Variants in PPDPFL observed in about 807,000 individuals in gnomAD.
The protein encoded by PPDPFL is pancreatic progenitor cell differentiation and proliferation factor like, also known as pancreatic progenitor cell differentiation and proliferation factor-like protein.
Under a neutral mutation model 12.6 loss-of-function variants are expected in PPDPFL, and 12 were observed. The ratio of observed to expected loss-of-function variants is 0.95; its 90% CI spans 0.61 to 1.54. PPDPFL has a LOEUF of 1.54. Ranked by LOEUF, PPDPFL falls within the 40% of genes most tolerant of loss-of-function variation. The probability of loss-of-function intolerance (pLI) is 0.00; values close to 1 mark genes in which losing one functional copy is unlikely to be tolerated. For synonymous variants in PPDPFL, 24 were observed against 32.7 expected (o/e 0.73, Z 0.91); for missense variants, 114 against 96.0 (o/e 1.19, Z -0.78).
upstream of PPDPFL, among the ~76,000 whole-genome samples, chr8:49,067,827 C>T (rs1027945139): frequency 6.6e-6 from 1 of 152,152 alleles, no homozygotes; most frequent in East Asian, 1.9e-4. Context: ...AGGACAGCTC[C>T]ATTTTCCCTG....
chr8:49,073,556 G>C lies in PPDPFL; in HGVS notation c.56-503G>C, dbSNP rs375365171. 3.9e-5 allele frequency among the ~76,000 whole-genome samples: 6 copies of C among 152,154 alleles called. No homozygotes were observed. The East Asian group carries it at 1.2e-3, about 29-fold the overall frequency. On this transcript the variant is annotated intron_variant, in intron 2 of 4. Transcript: ENST00000522267. ...TACAAAAGTTTACGCTCATTTACTTGGTGTTATTTATCCACAGGAGTTACT... is the reference window on the plus strand; with the variant it reads ...TACAAAAGTTTACGCTCATTTACTTCGTGTTATTTATCCACAGGAGTTACT...
upstream of PPDPFL, among the ~76,000 whole-genome samples, chr8:49,071,493 T>TA (rs1383596821): frequency 2.0e-5 from 3 of 151,974 alleles, no homozygotes; most frequent in Admixed American, 6.5e-5. Context: ...CCATCTCTAC[T>TA]AAAAATACAA....
At chr8:49,057,509 T>C (rs758657871) in intron 1 of PPDPFL, among the ~76,000 whole-genome samples, 1 of 152,154 alleles carries the variant, frequency 6.6e-6, no homozygotes, top group Non-Finnish European at 1.5e-5. Flanking sequence ...TCTGTATGCA[T>C]TGATAGCATA....
chr8:49,074,982 A>T, intron 4 of PPDPFL, 170 bp from the exon 5 acceptor site: 1 of 1,368,182 alleles, frequency 7.3e-7, no homozygotes, highest in Non-Finnish European at 9.7e-7. Flanking sequence ...ATTTAGAATC[A>T]TTATTTAAAA....
At chr8:49,069,764 A>G (rs182648817), upstream of PPDPFL, among the ~76,000 whole-genome samples, 20 of 152,264 alleles carry the variant, frequency 1.3e-4, no homozygotes, top group South Asian at 6.2e-4. Flanking sequence ...GTGAAACCCC[A>G]TCTCTGCTAA....
Position 49,075,153 on chromosome 8 carries a change from T to G in PPDPFL, c.235T>G (p.Leu79Val). 1 of 1,613,422 alleles carries G rather than the reference T, an allele frequency of 6.2e-7. No homozygotes were observed. The highest frequency in any genetic ancestry group is 8.5e-7 in the Non-Finnish European group (1 of 1,179,490). Residue 79 changes from leucine to valine, a missense_variant and splice_region_variant, in exon 5 of 5, where the codon TTA becomes GTA. Leu to Val is a conservative substitution (Grantham distance 32). Transcript: ENST00000522267. Reference sequence around the variant, plus strand: ...CTGACTACTATAAAATCAACCCAGATTACAGATGAGCACTTTGTAGCTGAT... The same window carrying G: ...CTGACTACTATAAAATCAACCCAGAGTACAGATGAGCACTTTGTAGCTGAT... ...VRIKDLSATGLQMSTL is the reference protein window; with the variant it reads ...VRIKDLSATGVQMSTL
upstream of PPDPFL, among the ~76,000 whole-genome samples, chr8:49,070,028 G>T (rs1479761938): frequency 3.3e-5 from 5 of 152,194 alleles, no homozygotes; most frequent in Non-Finnish European, 7.3e-5. Flanking sequence ...TAAAGAAAAT[G>T]TGATACATAG....
chr8:49,062,532 T>C (rs1282104098), intron 1 of PPDPFL, among the ~76,000 whole-genome samples: 2 of 152,172 alleles, frequency 1.3e-5, no homozygotes, highest in Non-Finnish European at 2.9e-5. Flanking sequence ...CCAGTTTCAC[T>C]GAGAAAATCA....
At chr8:49,066,021 G>A (rs1016223763) in intron 1 of PPDPFL, among the ~76,000 whole-genome samples, 1 of 152,206 alleles carries the variant, frequency 6.6e-6, no homozygotes, top group African/African-American at 2.4e-5. Context: ...GATGGTTTCA[G>A]TTAGTAACAT....
intron 1 of PPDPFL, among the ~76,000 whole-genome samples, chr8:49,066,912 C>T (rs1808309306): frequency 1.3e-5 from 2 of 152,112 alleles, no homozygotes; most frequent in East Asian, 1.9e-4. Flanking sequence ...TACCTGATGA[C>T]CCCCTGTAAG....
intron 1 of PPDPFL, among the ~76,000 whole-genome samples, chr8:49,056,549 C>T (rs898394051): frequency 1.3e-5 from 2 of 152,050 alleles, no homozygotes; most frequent in Admixed American, 1.3e-4. Flanking sequence ...TCATAATAAG[C>T]CCTGGTGTGT....
At chr8:49,062,988 G>T (rs1007897013) in intron 1 of PPDPFL, among the ~76,000 whole-genome samples, 1 of 152,152 alleles carries the variant, frequency 6.6e-6, no homozygotes, top group Non-Finnish European at 1.5e-5. Context: ...CATTACCCTA[G>T]TTCTTCCACA....
At chr8:49,067,336 A>G (rs2129244967) in intron 1 of PPDPFL, among the ~76,000 whole-genome samples, 1 of 152,340 alleles carries the variant, frequency 6.6e-6, no homozygotes, top group South Asian at 2.1e-4. Context: ...AGCATTAGTT[A>G]TTAGGAGTGA....
chr8:49,070,861 T>C (rs1362021349), upstream of PPDPFL, among the ~76,000 whole-genome samples: 10 of 152,116 alleles, frequency 6.6e-5, no homozygotes, highest in Admixed American at 6.5e-4. Context: ...TTTTATTTTG[T>C]ATGTGTGCAT....
intron 1 of PPDPFL, among the ~76,000 whole-genome samples, chr8:49,057,696 T>G (rs1055700887): frequency 2.6e-5 from 4 of 152,164 alleles, no homozygotes; most frequent in Admixed American, 2.0e-4. Context: ...GAAGTTAGTT[T>G]TAATGAAGTT....
intron 1 of PPDPFL, among the ~76,000 whole-genome samples, chr8:49,056,330 G>A (rs1808112141): frequency 6.6e-6 from 1 of 152,064 alleles, no homozygotes; most frequent in Non-Finnish European, 1.5e-5. Flanking sequence ...GTTTGAATTT[G>A]GTCCTTCTTG....
chr8:49,064,325 G>A (rs946344418), intron 1 of PPDPFL, among the ~76,000 whole-genome samples: 1 of 152,180 alleles, frequency 6.6e-6, no homozygotes, highest in Non-Finnish European at 1.5e-5. Flanking sequence ...CAGAAGAGGT[G>A]CTGGTCAGGA....
At chr8:49,054,383 C>T (rs1031078838) in intron 1 of PPDPFL, 4 of 152,064 alleles carry the variant, frequency 2.6e-5, no homozygotes, top group Non-Finnish European at 4.4e-5. Flanking sequence ...AATATATTTT[C>T]TCTTCCTTAT....
intron 1 of PPDPFL, among the ~76,000 whole-genome samples, chr8:49,065,244 C>A (rs183532009): frequency 1.1e-4 from 17 of 152,266 alleles, no homozygotes; most frequent in African/African-American, 2.4e-4. Flanking sequence ...TCACCTCCCC[C>A]CAGTGTATGA....
Sources: gnomAD v4.1 joint callset for allele counts (sites outside exome capture counted in the v4.1 genomes callset) on GRCh38, gnomAD v4.1.1 for gene constraint, MANE v1.5 for transcripts, NCBI Gene and HGNC (gene_info 2026-07-23, HGNC 2026-07-21) for gene names.